CNTNAP2: variants seen among roughly 807,000 people sequenced by gnomAD.
The protein encoded by CNTNAP2 is contactin associated protein 2.
Under a neutral mutation model 155.2 loss-of-function variants are expected in CNTNAP2, and 98 were observed. That is an observed-to-expected ratio of 0.63 (90% CI 0.54 to 0.75). The LOEUF (loss-of-function observed/expected upper bound fraction) is 0.75, where lower values mean the gene tolerates loss of function less well. CNTNAP2 is among the 30% of genes least tolerant of loss of function. CNTNAP2 has a pLI of 0.00. For synonymous variants in CNTNAP2, 651 were observed against 631.2 expected, an observed-to-expected ratio of 1.03 and a Z score of -0.47; for missense variants, 1,727 against 1,688.1, an observed-to-expected ratio of 1.02 and a Z score of -0.40.
intron 1 of CNTNAP2, among the ~76,000 whole-genome samples, chr7:146,151,690 A>G (rs1309929468): frequency 3.3e-4 from 13 of 39,242 alleles, no homozygotes; most frequent in East Asian, 5.4e-4. Flanking sequence ...ATGTATATAT[A>G]TATATATGTA....
chr7:146,545,271 G>A (rs988483928), intron 1 of CNTNAP2, among the ~76,000 whole-genome samples: 5 of 151,886 alleles, frequency 3.3e-5, no homozygotes, highest in Non-Finnish European at 7.4e-5. Flanking sequence ...TGACAGAATT[G>A]TAATATCAGC....
intron 11 of CNTNAP2, among the ~76,000 whole-genome samples, chr7:147,493,477 C>A (rs1469935086): frequency 6.6e-6 from 1 of 152,124 alleles, no homozygotes; most frequent in Non-Finnish European, 1.5e-5. Context: ...ACACTAAGGA[C>A]CCATAGTGCT....
At chr7:147,505,478 T>G (rs1472601981) in intron 11 of CNTNAP2, among the ~76,000 whole-genome samples, 1 of 152,188 alleles carries the variant, frequency 6.6e-6, no homozygotes, top group African/African-American at 2.4e-5. Flanking sequence ...GTGTACACAC[T>G]AAAGTGTGTC....
chr7:148,231,078 G>A (rs1001459313), intron 20 of CNTNAP2, among the ~76,000 whole-genome samples: 1 of 152,080 alleles, frequency 6.6e-6, no homozygotes, highest in African/African-American at 2.4e-5. Flanking sequence ...TTTTACCATT[G>A]CGAAATAATA....
chr7:147,263,918 C>T (rs575586086), intron 8 of CNTNAP2, among the ~76,000 whole-genome samples: 1 of 152,206 alleles, frequency 6.6e-6, no homozygotes, highest in South Asian at 2.1e-4. Flanking sequence ...AAAGAGCATG[C>T]ATGTGTGTTT....
chr7:147,725,437 T>C (rs1287382667), intron 13 of CNTNAP2, among the ~76,000 whole-genome samples: 3 of 152,092 alleles, frequency 2.0e-5, no homozygotes, highest in African/African-American at 7.2e-5. Context: ...CAGAAATTGT[T>C]TATGATCAAA....
chr7:146,308,039 C>A (rs1369370965), intron 1 of CNTNAP2, among the ~76,000 whole-genome samples: 1 of 152,088 alleles, frequency 6.6e-6, no homozygotes, highest in Non-Finnish European at 1.5e-5. Flanking sequence ...AGTGAACAGG[C>A]AACCTACAGA....
chr7:147,124,797 A>G (rs1266227226), intron 6 of CNTNAP2, among the ~76,000 whole-genome samples: 1 of 151,308 alleles, frequency 6.6e-6, no homozygotes, highest in African/African-American at 2.4e-5. Context: ...CAATTTCTGG[A>G]GATGAACATC....
intron 15 of CNTNAP2, among the ~76,000 whole-genome samples, chr7:148,067,260 C>T (rs1007685281): frequency 1.3e-5 from 2 of 152,118 alleles, no homozygotes; most frequent in African/African-American, 4.8e-5. Context: ...GGGTTTAAGT[C>T]CTGCTGTTCA....
chr7:147,486,979 A>G (rs2116640310), intron 11 of CNTNAP2, among the ~76,000 whole-genome samples: 1 of 151,550 alleles, frequency 6.6e-6, no homozygotes, highest in African/African-American at 2.4e-5. Flanking sequence ...CAAACACTGA[A>G]ACTCTAATAT....
At chr7:146,455,269 A>G (rs1404582595) in intron 1 of CNTNAP2, among the ~76,000 whole-genome samples, 1 of 152,220 alleles carries the variant, frequency 6.6e-6, no homozygotes, top group Non-Finnish European at 1.5e-5. Flanking sequence ...ATTATGCTTG[A>G]AAAGAAATAT....
At chr7:147,881,271 A>T (rs1265199438) in intron 13 of CNTNAP2, among the ~76,000 whole-genome samples, 2 of 152,212 alleles carry the variant, frequency 1.3e-5, no homozygotes, top group Non-Finnish European at 2.9e-5. Flanking sequence ...GCAGAAATCT[A>T]TTAAATTGTT....
At chr7:146,493,210 G>C (rs1563105631) in intron 1 of CNTNAP2, among the ~76,000 whole-genome samples, 1 of 152,016 alleles carries the variant, frequency 6.6e-6, no homozygotes, top group African/African-American at 2.4e-5. Flanking sequence ...ATTGATTTTA[G>C]CAACAGAATA....
chr7:148,396,228 A>G (rs1799464910), intron 22 of CNTNAP2, among the ~76,000 whole-genome samples: 1 of 147,946 alleles, frequency 6.8e-6, no homozygotes, highest in Non-Finnish European at 1.5e-5. Context: ...TGCTACAGGA[A>G]TGCTATGAGT....
intron 13 of CNTNAP2, among the ~76,000 whole-genome samples, chr7:147,874,086 C>T (rs770492383): frequency 3.3e-5 from 5 of 152,352 alleles, no homozygotes; most frequent in Non-Finnish European, 7.3e-5. Flanking sequence ...CCCATCTCAG[C>T]TGCTTTCATG....
intron 10 of CNTNAP2, among the ~76,000 whole-genome samples, chr7:147,405,792 A>T (rs1796996024): frequency 6.6e-6 from 1 of 152,176 alleles, no homozygotes; most frequent in South Asian, 2.1e-4. Context: ...CCCAAGGTGA[A>T]CTCACTGAAA....
intron 1 of CNTNAP2, among the ~76,000 whole-genome samples, chr7:146,401,068 G>A (rs1795707058): frequency 6.6e-6 from 1 of 152,074 alleles, no homozygotes. Flanking sequence ...TTACGAAAAG[G>A]GCTATAGATG....
chr7:146,668,573 G>A (rs905897267), intron 1 of CNTNAP2, among the ~76,000 whole-genome samples: 1 of 151,932 alleles, frequency 6.6e-6, no homozygotes, highest in East Asian at 1.9e-4. Context: ...AGAATGATTT[G>A]TATTAATTCT....
intron 14 of CNTNAP2, among the ~76,000 whole-genome samples, chr7:147,905,846 G>A (rs1299264732): frequency 6.6e-6 from 1 of 151,780 alleles, no homozygotes; most frequent in Non-Finnish European, 1.5e-5. Flanking sequence ...ATCCCAGATC[G>A]TGCCACTGCA....
Sources: allele counts gnomAD v4.1 joint callset (sites outside exome capture counted in the v4.1 genomes callset), GRCh38; gene constraint gnomAD v4.1.1; transcripts MANE v1.5; gene names NCBI Gene and HGNC (gene_info 2026-07-23, HGNC 2026-07-21).